RYR2: variants seen among roughly 807,000 people sequenced by gnomAD.
RYR2 encodes the protein cardiac muscle ryanodine receptor-calcium release channel.
RYR2 carries 227 observed loss-of-function variants against 601.1 expected under a neutral mutation model. The ratio of observed to expected loss-of-function variants is 0.38; its 90% CI spans 0.34 to 0.42. RYR2 has a LOEUF of 0.42. Ranked by LOEUF, RYR2 falls within the 10% of genes least tolerant of loss-of-function variation. RYR2 has a pLI of 1.00. For missense variants in RYR2, 4,646 were observed against 6,156.5 expected, an observed-to-expected ratio of 0.75 and a Z score of 8.21; for synonymous variants, 2,223 against 2,175.1, an observed-to-expected ratio of 1.02 and a Z score of -0.61.
intron 25 of RYR2, among the ~76,000 whole-genome samples, chr1:237,536,102 A>G (rs1668582460): frequency 1.3e-5 from 2 of 152,230 alleles, no homozygotes; most frequent in Non-Finnish European, 2.9e-5. Flanking sequence ...AAAAACACCA[A>G]ATTGTCATCA....
At chr1:237,394,623 A>C (rs1702662339) in intron 10 of RYR2, among the ~76,000 whole-genome samples, 1 of 152,230 alleles carries the variant, frequency 6.6e-6, no homozygotes, top group South Asian at 2.1e-4. Flanking sequence ...ACTCTGAAAT[A>C]ACCTTTTAAG....
At chr1:237,684,770 CACAT>C (rs1415450939) in intron 62 of RYR2, among the ~76,000 whole-genome samples, 31 of 35,772 alleles carry the variant, frequency 8.7e-4, no homozygotes, top group South Asian at 3.0e-3. Context: ...ATTATCTGAA[CACAT>C]ATATATATAT....
chr1:237,247,625 T>C (rs879476917), intron 1 of RYR2, among the ~76,000 whole-genome samples: 4 of 152,282 alleles, frequency 2.6e-5, no homozygotes, highest in Non-Finnish European at 5.9e-5. Context: ...TCACCAGCCA[T>C]TGTGGCTCAT....
intron 2 of RYR2, among the ~76,000 whole-genome samples, chr1:237,300,737 T>C (rs1693265720): frequency 6.6e-6 from 1 of 152,152 alleles, no homozygotes; most frequent in Non-Finnish European, 1.5e-5. Flanking sequence ...GGGCATTAAC[T>C]GGTGCTTCAA....
At chr1:237,121,768 G>A (rs1670806448) in intron 1 of RYR2, among the ~76,000 whole-genome samples, 2 of 152,202 alleles carry the variant, frequency 1.3e-5, no homozygotes, top group South Asian at 4.1e-4. Flanking sequence ...CAGGCATGGC[G>A]GGTGACCTCG....
chr1:237,046,624 G>C (rs1660641282), intron 1 of RYR2, among the ~76,000 whole-genome samples: 1 of 152,200 alleles, frequency 6.6e-6, no homozygotes, highest in African/African-American at 2.4e-5. Context: ...GGAAGGGCAA[G>C]ATCTAAAACG....
At chr1:237,459,969 C>G (rs924651558) in intron 16 of RYR2, among the ~76,000 whole-genome samples, 2 of 152,088 alleles carry the variant, frequency 1.3e-5, no homozygotes, top group African/African-American at 4.8e-5. Context: ...AACAGAATAC[C>G]CAAACCCAAA....
intron 79 of RYR2, among the ~76,000 whole-genome samples, chr1:237,734,293 AAGAG>A (rs370551838): frequency 3.3e-4 from 50 of 151,888 alleles, no homozygotes; most frequent in African/African-American, 1.2e-3. Context: ...ACATGGCGGC[AAGAG>A]AGAGAGAGAA....
chr1:237,778,828 C>T (rs1256396973), intron 88 of RYR2, 58 bp downstream of exon 88: 3 of 825,450 alleles, frequency 3.6e-6, no homozygotes, highest in East Asian at 4.9e-5. Flanking sequence ...CTGTAATCAT[C>T]AGCAAATTAA....
chr1:237,118,279 T>A (rs886477674), intron 1 of RYR2, among the ~76,000 whole-genome samples: 1 of 151,986 alleles, frequency 6.6e-6, no homozygotes, highest in Non-Finnish European at 1.5e-5. Flanking sequence ...AAAATGATAG[T>A]TCTTCCCACT....
intron 53 of RYR2, among the ~76,000 whole-genome samples, chr1:237,656,591 A>G (rs956182457): frequency 5.9e-5 from 9 of 152,206 alleles, no homozygotes; most frequent in African/African-American, 1.2e-4. Context: ...AAGTAGGACC[A>G]TGGTTCTCCA....
chr1:237,296,476 A>G lies in RYR2; in HGVS notation c.168+25860A>G, dbSNP rs920623964. On this transcript the variant is annotated intron_variant, in intron 2 of 104. Coordinates refer to ENST00000366574, the MANE Select transcript of RYR2 (RefSeq NM_001035.3). ...AGATTGGATTTAAGAGGTAAGAGAG[A>G]AAGAGGAATTAAAGAGTTTTGGATT... Among the ~76,000 whole-genome samples, 3 of 152,172 alleles carry G rather than the reference A, an allele frequency of 2.0e-5. No individual in the cohort carries two copies. The East Asian group carries it at 5.8e-4, about 29-fold the overall frequency.
chr1:237,440,558 A>T (rs1443439596), intron 12 of RYR2, among the ~76,000 whole-genome samples: 1 of 152,192 alleles, frequency 6.6e-6, no homozygotes, highest in African/African-American at 2.4e-5. Context: ...TTTGAAAAAA[A>T]CATTTGGCTG....
At chr1:237,196,377 C>T (rs1479199906) in intron 1 of RYR2, among the ~76,000 whole-genome samples, 3 of 152,268 alleles carry the variant, frequency 2.0e-5, no homozygotes, top group Admixed American at 6.5e-5. Flanking sequence ...ATCTTATTCA[C>T]TTCTCCACAA....
At chr1:237,710,944 G>A (rs1251933439) in intron 70 of RYR2, among the ~76,000 whole-genome samples, 2 of 152,130 alleles carry the variant, frequency 1.3e-5, no homozygotes, top group East Asian at 1.9e-4. Flanking sequence ...TGTTTTCCCT[G>A]TTGGGTTACT....
chr1:237,557,382 G>A (rs754926615), intron 27 of RYR2, among the ~76,000 whole-genome samples: 17 of 152,186 alleles, frequency 1.1e-4, no homozygotes, highest in Non-Finnish European at 2.5e-4. Flanking sequence ...AACCACCAAA[G>A]TAGGTACAGC....
intron 4 of RYR2, 30 bp from the exon 5 acceptor site, chr1:237,364,328 G>A: frequency 6.4e-7 from 1 of 1,565,974 alleles, no homozygotes; most frequent in Non-Finnish European, 8.7e-7. Flanking sequence ...TCTATTTAAT[G>A]TTTCCTCTCT....
At chr1:237,489,313 A>G (rs539481246) in intron 17 of RYR2, among the ~76,000 whole-genome samples, 1 of 152,300 alleles carries the variant, frequency 6.6e-6, no homozygotes, top group African/African-American at 2.4e-5. Flanking sequence ...GAGAAATGCA[A>G]ATCAGAACTA....
At chr1:237,246,862 C>T (rs1686903698) in intron 1 of RYR2, among the ~76,000 whole-genome samples, 1 of 152,160 alleles carries the variant, frequency 6.6e-6, no homozygotes, top group African/African-American at 2.4e-5. Context: ...TATAGGATTA[C>T]ATGACTTAAT....
Sources: gnomAD v4.1 joint callset for allele counts (sites outside exome capture counted in the v4.1 genomes callset) on GRCh38, gnomAD v4.1.1 for gene constraint, MANE v1.5 for transcripts, NCBI Gene and HGNC (gene_info 2026-07-23, HGNC 2026-07-21) for gene names.